The following PLCB4 variants were observed in gnomAD, a reference collection of about 807,000 sequenced individuals.
PLCB4 encodes the protein phospholipase C beta 4, also known as 1-phosphatidylinositol 4,5-bisphosphate phosphodiesterase beta-4.
A neutral mutation model predicts 178.8 loss-of-function variants in PLCB4; 77 were observed. That is an observed-to-expected ratio of 0.43 (90% CI 0.36 to 0.52). The LOEUF is 0.52. Among genes scored for constraint, PLCB4 ranks in the 20% least tolerant of loss-of-function variants. PLCB4 has a pLI of 0.00. For missense variants in PLCB4, 1,024 were observed against 1,453.4 expected, an observed-to-expected ratio of 0.70 and a Z score of 4.80; for synonymous variants, 496 against 490.8, an observed-to-expected ratio of 1.01 and a Z score of -0.14.
intron 38 of PLCB4, among the ~76,000 whole-genome samples, chr20:9,476,255 A>C (rs1225738933): frequency 6.6e-6 from 1 of 151,996 alleles, no homozygotes; most frequent in Admixed American, 6.6e-5. Context: ...TTCACTTAAC[A>C]CTCTGAAGGT....
chr20:9,435,780 A>T, intron 29 of PLCB4, 132 bp downstream of exon 29: 1 of 552,114 alleles, frequency 1.8e-6, no homozygotes, highest in South Asian at 2.9e-5. Flanking sequence ...TCATCAATTC[A>T]ACAATAGTTA....
chr20:9,404,088 G>A (rs1232698765), intron 20 of PLCB4, among the ~76,000 whole-genome samples: 7 of 152,162 alleles, frequency 4.6e-5, no homozygotes, highest in African/African-American at 1.4e-4. Context: ...TTCTTTTTCG[G>A]ATGAATGAAT....
chr20:9,433,790 T>A (rs184941014), intron 28 of PLCB4, among the ~76,000 whole-genome samples: 376 of 152,336 alleles, frequency 2.5e-3, no homozygotes, highest in Admixed American at 3.3e-3. Flanking sequence ...TGAGCAAGAT[T>A]TAAGAACTAA....
chr20:9,461,956 A>G (rs1455821520), intron 35 of PLCB4, among the ~76,000 whole-genome samples: 1 of 152,152 alleles, frequency 6.6e-6, no homozygotes, highest in East Asian at 1.9e-4. Flanking sequence ...TGCCTCCTCA[A>G]GTGGGTCCCT....
chr20:9,386,005 C>A (rs2037612423), intron 14 of PLCB4, among the ~76,000 whole-genome samples: 1 of 152,224 alleles, frequency 6.6e-6, no homozygotes, highest in African/African-American at 2.4e-5. Flanking sequence ...GCAATCCCAG[C>A]ACCCCGGGAG....
intron 3 of PLCB4, among the ~76,000 whole-genome samples, chr20:9,307,145 G>A (rs1364710526): frequency 6.6e-6 from 1 of 152,092 alleles, no homozygotes; most frequent in Non-Finnish European, 1.5e-5. Flanking sequence ...AACACCCCGA[G>A]GCCCCACCTC....
chr20:9,451,776 A>G (rs1200529922), intron 32 of PLCB4, among the ~76,000 whole-genome samples: 1 of 152,194 alleles, frequency 6.6e-6, no homozygotes. Context: ...CATTTGATAC[A>G]TTAGATTCAC....
At chr20:9,429,716 T>C (rs2299680) in intron 28 of PLCB4, among the ~76,000 whole-genome samples, 21,190 of 152,244 alleles carry the variant, frequency 0.14, 1,516 homozygotes, top group African/African-American at 0.17. Flanking sequence ...CGTATCTACC[T>C]ATCCATATGT....
At chr20:9,200,993 G>C (rs2093537199) in intron 2 of PLCB4, among the ~76,000 whole-genome samples, 1 of 152,206 alleles carries the variant, frequency 6.6e-6, no homozygotes, top group Non-Finnish European at 1.5e-5. Flanking sequence ...ATCCTCAGCA[G>C]CAGAAGGCAG....
intron 1 of PLCB4, among the ~76,000 whole-genome samples, chr20:9,071,530 A>G (rs940340562): frequency 1.3e-5 from 2 of 152,210 alleles, no homozygotes; most frequent in African/African-American, 4.8e-5. Flanking sequence ...GTAACAATAT[A>G]AGTGAAATTA....
intron 28 of PLCB4, among the ~76,000 whole-genome samples, chr20:9,426,225 A>C (rs748404713): frequency 1.8e-4 from 28 of 152,278 alleles, no homozygotes; most frequent in Middle Eastern, 3.4e-3. Flanking sequence ...TTTTTCCACA[A>C]ATATGCATAG....
chr20:9,424,045 A>C (rs1399799343), intron 28 of PLCB4, 93 bp downstream of exon 28: 13 of 842,218 alleles, frequency 1.5e-5, no homozygotes, highest in Non-Finnish European at 2.5e-5. Context: ...AAAAACAATA[A>C]AAATACTGTC....
chr20:9,291,341 C>T (rs930004658), intron 3 of PLCB4, among the ~76,000 whole-genome samples: 3 of 152,076 alleles, frequency 2.0e-5, no homozygotes, highest in Non-Finnish European at 4.4e-5. Context: ...TAATGTGCAG[C>T]CTCACTTACA....
intron 3 of PLCB4, among the ~76,000 whole-genome samples, chr20:9,248,180 T>C (rs560413124): frequency 6.8e-4 from 104 of 152,252 alleles, no homozygotes; most frequent in Middle Eastern, 6.8e-3. Flanking sequence ...TGTATATATA[T>C]GTATATATAC....
intron 3 of PLCB4, among the ~76,000 whole-genome samples, chr20:9,259,942 A>G (rs1250270518): frequency 1.3e-5 from 2 of 152,148 alleles, no homozygotes; most frequent in African/African-American, 4.8e-5. Flanking sequence ...TAATATTACT[A>G]CTAGAAAATG....
intron 14 of PLCB4, among the ~76,000 whole-genome samples, chr20:9,385,369 G>T (rs562279654): frequency 6.6e-6 from 1 of 152,046 alleles, no homozygotes; most frequent in Non-Finnish European, 1.5e-5. Context: ...CCTGGCAGAG[G>T]TGCTCCTCAC....
At chr20:9,362,865 T>C in intron 7 of PLCB4, 31 bp from the exon 8 acceptor site, 2 of 1,468,834 alleles carry the variant, frequency 1.4e-6, no homozygotes, top group Non-Finnish European at 1.9e-6. Flanking sequence ...GCAGATTTGC[T>C]CACCAAGAAT....
intron 2 of PLCB4, among the ~76,000 whole-genome samples, chr20:9,118,203 C>T (rs1449964031): frequency 6.9e-6 from 1 of 144,508 alleles, no homozygotes; most frequent in East Asian, 2.1e-4. Flanking sequence ...GTATATCTCC[C>T]AATGCTATCC....
chr20:9,440,604 C>T (rs891209015), intron 30 of PLCB4, among the ~76,000 whole-genome samples: 3 of 152,164 alleles, frequency 2.0e-5, no homozygotes, highest in Non-Finnish European at 4.4e-5. Context: ...ATTCTGTCAT[C>T]CCAAGCAAGT....
Sources: allele counts gnomAD v4.1 joint callset (sites outside exome capture counted in the v4.1 genomes callset), GRCh38; gene constraint gnomAD v4.1.1; transcripts MANE v1.5; gene names NCBI Gene and HGNC (gene_info 2026-07-23, HGNC 2026-07-21).